BCL11B: variants seen among roughly 807,000 people sequenced by gnomAD.
The protein encoded by BCL11B is BCL11 transcription factor B, also known as B-cell lymphoma/leukemia 11B.
BCL11B carries 8 observed loss-of-function variants against 49.9 expected under a neutral mutation model. That is an observed-to-expected ratio of 0.16 (90% CI 0.09 to 0.29). BCL11B has a LOEUF of 0.29. Ranked by LOEUF, BCL11B falls within the 10% of genes least tolerant of loss-of-function variation. The pLI is 1.00. For missense variants in BCL11B, 1,006 were observed against 1,351.0 expected (o/e 0.74, Z 4.00); for synonymous variants, 739 against 637.4 (o/e 1.16, Z -2.40).
At position 99,213,716 on chromosome 14, in the gene BCL11B, G is replaced by A. The variant is rs1043646489; in HGVS notation, c.640+17629C>T. Among the ~76,000 whole-genome samples, 8 of 152,148 alleles carry A rather than the reference G, an allele frequency of 5.3e-5. No homozygotes were observed. The highest frequency in any genetic ancestry group is 1.9e-4 in the African/African-American group (8 of 41,424). ...GCATAGAGTCCAGCGTCAGCCACAC[G>A]TGTCCTAGCTCAGCGCAGGGACTTG... On this transcript the variant is annotated intron_variant, in intron 3 of 3. Coordinates refer to ENST00000357195, the MANE Select transcript of BCL11B (RefSeq NM_138576.4). The surrounding 1 kb of genome is among the most constrained non-coding windows in gnomAD (Gnocchi z 5.1).
At chr14:99,187,082 C>A (rs956825725) in intron 3 of BCL11B, among the ~76,000 whole-genome samples, 1 of 152,180 alleles carries the variant, frequency 6.6e-6, no homozygotes, top group Non-Finnish European at 1.5e-5. Flanking sequence ...GCTGCATGCA[C>A]CCGAGATTTC....
Position 99,248,864 on chromosome 14 carries a change from G to A in BCL11B, c.427+8607C>T, listed in dbSNP as rs1003353875. ...GCCCAGCAGGCTCAGCCCCAGAGAC[G>A]GGGAAGATCTGTCTGCTCAAGGTCA... On this transcript the variant is annotated intron_variant, in intron 2 of 3. Transcript: ENST00000357195. This position sits in a 1 kb window ranked among gnomAD's most constrained non-coding sequence, Gnocchi z 4.7. Among the ~76,000 whole-genome samples the A allele has an allele frequency of 1.1e-4, 17 of 152,150 alleles. No homozygotes were observed. Among genetic ancestry groups the A allele is most frequent in the African/African-American group, 3.1e-4 (13 of 41,440 alleles).
At chr14:99,189,786 G>C (rs1020504359) in intron 3 of BCL11B, among the ~76,000 whole-genome samples, 1 of 152,214 alleles carries the variant, frequency 6.6e-6, no homozygotes, top group Non-Finnish European at 1.5e-5. Context: ...CGGGGGATGA[G>C]AAGGGCTGGG....
In BCL11B at chr14:99,248,553, C is replaced by G. The variant is rs1344414294; in HGVS notation, c.427+8918G>C. Among the ~76,000 whole-genome samples the G allele has an allele frequency of 6.6e-6, 1 of 152,182 alleles. No individual in the cohort carries two copies. The highest frequency in any genetic ancestry group is 1.5e-5 in the Non-Finnish European group (1 of 68,030). The stretch of plus-strand genomic sequence containing the variant: ...ACATTAGGGACAGGGCCTGGTCACA[C>G]AAGGGGCTCTGAGCTTCAACTGTTT... On this transcript the variant is annotated intron_variant, in intron 2 of 3. Coordinates refer to ENST00000357195, the MANE Select transcript of BCL11B (RefSeq NM_138576.4). The surrounding 1 kb of genome is among the most constrained non-coding windows in gnomAD (Gnocchi z 4.7).
chr14:99,238,670 CTCT>C (rs1474746820), intron 2 of BCL11B, among the ~76,000 whole-genome samples: 4 of 152,170 alleles, frequency 2.6e-5, no homozygotes, highest in Non-Finnish European at 5.9e-5. Context: ...GCAGCTTGGA[CTCT>C]TCTTTTGCTT....
intron 3 of BCL11B, among the ~76,000 whole-genome samples, chr14:99,198,163 C>G (rs1437146331): frequency 6.6e-6 from 1 of 152,182 alleles, no homozygotes; most frequent in Non-Finnish European, 1.5e-5. Flanking sequence ...AAAGTGGCTA[C>G]AACTTTTGAG....
At chr14:99,266,389 G>A (rs931811674) in intron 1 of BCL11B, among the ~76,000 whole-genome samples, 3 of 152,018 alleles carry the variant, frequency 2.0e-5, no homozygotes, top group African/African-American at 4.8e-5. Context: ...CCTTAATAAC[G>A]CAGCAGAATT....
Position 99,265,483 on chromosome 14 carries a change from A to G in BCL11B, c.58+5678T>C, listed in dbSNP as rs373356784. Among the ~76,000 whole-genome samples, 71 of 151,554 alleles carry G rather than the reference A, an allele frequency of 4.7e-4. 2 individuals carry two copies. In the South Asian group the frequency reaches 0.014, roughly 30 times the overall value. On this transcript the variant is annotated intron_variant, in intron 1 of 3. Coordinates refer to ENST00000357195, the MANE Select transcript of BCL11B (RefSeq NM_138576.4). ...CCCCCTCCCATTCCCTCCCCCATAT[A>G]TTTTTTCCTGCATTGTCTTATCTAT...
chr14:99,213,574 C>T lies in BCL11B; in HGVS notation c.640+17771G>A, dbSNP rs1273714286. 1.3e-5 allele frequency among the ~76,000 whole-genome samples: 2 copies of T among 152,138 alleles called. No individual in the cohort carries two copies. The highest frequency in any genetic ancestry group is 1.9e-4 in the East Asian group (1 of 5,184). ...TTTACTCCACGGGCAATGGTAAGTC[C>T]TACTACCCCAAAAGTACAAATGCAG... On this transcript the variant is annotated intron_variant, in intron 3 of 3. Coordinates refer to ENST00000357195, the MANE Select transcript of BCL11B (RefSeq NM_138576.4). The surrounding 1 kb of genome is among the most constrained non-coding windows in gnomAD (Gnocchi z 5.1).
chr14:99,217,497 G>A (rs1465260611), intron 3 of BCL11B, among the ~76,000 whole-genome samples: 2 of 152,100 alleles, frequency 1.3e-5, no homozygotes, highest in Non-Finnish European at 2.9e-5. Context: ...AATTACATGA[G>A]GCAATGTTTG....
At chr14:99,200,785 C>A (rs1204934125) in intron 3 of BCL11B, among the ~76,000 whole-genome samples, 2 of 152,228 alleles carry the variant, frequency 1.3e-5, no homozygotes, top group Non-Finnish European at 2.9e-5. Context: ...CAAGAAGCTT[C>A]CAGAGGGCAG....
chr14:99,211,454 A>G (rs1392369933), intron 3 of BCL11B, among the ~76,000 whole-genome samples: 1 of 152,218 alleles, frequency 6.6e-6, no homozygotes, highest in Non-Finnish European at 1.5e-5. Flanking sequence ...CCGGCCACAG[A>G]GCCTGGTCTC....
chr14:99,225,749 T>C (rs1566818570), intron 3 of BCL11B, among the ~76,000 whole-genome samples: 1 of 152,246 alleles, frequency 6.6e-6, no homozygotes, highest in Non-Finnish European at 1.5e-5. Context: ...ACAGAATTCT[T>C]TGATTTAGCT....
chr14:99,215,664 T>G (rs1249145034), intron 3 of BCL11B, among the ~76,000 whole-genome samples: 2 of 152,220 alleles, frequency 1.3e-5, no homozygotes, highest in African/African-American at 4.8e-5. Context: ...AAAAGCTTAT[T>G]AAGCCGGCTC....
In BCL11B at chr14:99,242,849, C is replaced by G. The variant is rs528756064; in HGVS notation, c.428-11292G>C. Among the ~76,000 whole-genome samples, 1 of 152,328 alleles carries G rather than the reference C, an allele frequency of 6.6e-6. No homozygotes were observed. Among genetic ancestry groups the G allele is most frequent in the Non-Finnish European group, 1.5e-5 (1 of 68,026 alleles). ...GGAGCCCCAATAGGACACTTAGGCCCTCTGGCTTCCCTAGTGAAGGTACCA... is the reference window on the plus strand; with the variant it reads ...GGAGCCCCAATAGGACACTTAGGCCGTCTGGCTTCCCTAGTGAAGGTACCA... On this transcript the variant is annotated intron_variant, in intron 2 of 3. Coordinates refer to ENST00000357195, the MANE Select transcript of BCL11B (RefSeq NM_138576.4). This position sits in a 1 kb window ranked among gnomAD's most constrained non-coding sequence, Gnocchi z 4.4.
At chr14:99,245,833 C>T (rs1314897103) in intron 2 of BCL11B, among the ~76,000 whole-genome samples, 2 of 152,112 alleles carry the variant, frequency 1.3e-5, no homozygotes, top group Non-Finnish European at 2.9e-5. Flanking sequence ...GCAGGCTCCC[C>T]GCCCTTGACC....
chr14:99,243,040 C>A (rs756970059), intron 2 of BCL11B, among the ~76,000 whole-genome samples: 2 of 152,202 alleles, frequency 1.3e-5, no homozygotes, highest in Non-Finnish European at 2.9e-5. Context: ...CCTCCCTAAT[C>A]CAAGTCTACA....
At chr14:99,199,787 A>G (rs1364309322) in intron 3 of BCL11B, among the ~76,000 whole-genome samples, 1 of 152,110 alleles carries the variant, frequency 6.6e-6, no homozygotes, top group East Asian at 1.9e-4. Context: ...GTACATTTCA[A>G]TAAATACAGA....
chr14:99,251,043 AG>A, intron 2 of BCL11B, among the ~76,000 whole-genome samples: 1 of 152,322 alleles, frequency 6.6e-6, no homozygotes, highest in East Asian at 1.9e-4. Flanking sequence ...CCAGTGGGAC[AG>A]GAAGGGCTCA....
Sources: gnomAD v4.1 joint callset for allele counts (sites outside exome capture counted in the v4.1 genomes callset) on GRCh38, gnomAD v4.1.1 for gene constraint, Gnocchi (gnomAD v3.1) non-coding constraint, MANE v1.5 for transcripts, NCBI Gene and HGNC (gene_info 2026-07-23, HGNC 2026-07-21) for gene names.